SUSD6: variants seen among roughly 807,000 people sequenced by gnomAD.
SUSD6 encodes the protein sushi domain containing 6.
In SUSD6, 16 loss-of-function variants were observed where a neutral mutation model predicts 28.4. The ratio of observed to expected loss-of-function variants is 0.56; its 90% CI spans 0.38 to 0.86. The LOEUF (loss-of-function observed/expected upper bound fraction) is 0.86, where lower values mean the gene tolerates loss of function less well. Among genes scored for constraint, SUSD6 ranks in the 40% least tolerant of loss-of-function variants. The probability of loss-of-function intolerance (pLI) is 0.00; values close to 1 mark genes in which losing one functional copy is unlikely to be tolerated. For synonymous variants in SUSD6, 147 were observed against 159.6 expected, an observed-to-expected ratio of 0.92 and a Z score of 0.59; for missense variants, 341 against 384.2, an observed-to-expected ratio of 0.89 and a Z score of 0.94.
intron 2 of SUSD6, among the ~76,000 whole-genome samples, chr14:69,663,720 T>C (rs1885695542): frequency 1.3e-5 from 2 of 152,160 alleles, no homozygotes; most frequent in Non-Finnish European, 2.9e-5. Context: ...AACTGATGAT[T>C]TTAAGTGGTG....
intron 1 of SUSD6, among the ~76,000 whole-genome samples, chr14:69,638,790 G>T (rs556813749): frequency 1.6e-4 from 25 of 151,972 alleles, no homozygotes; most frequent in Non-Finnish European, 3.4e-4. Context: ...CTGACCTAGG[G>T]AAGGCAAGAC....
intron 2 of SUSD6, among the ~76,000 whole-genome samples, chr14:69,659,537 T>A (rs1885632173): frequency 1.3e-5 from 2 of 151,944 alleles, no homozygotes; most frequent in Non-Finnish European, 2.9e-5. Flanking sequence ...TTGTTTGTTT[T>A]CAGAGAGTCT....
At chr14:69,691,617 G>A (rs1886154153) in intron 2 of SUSD6, among the ~76,000 whole-genome samples, 1 of 152,174 alleles carries the variant, frequency 6.6e-6, no homozygotes, top group Admixed American at 6.5e-5. Context: ...TTTATTTCAG[G>A]CTTTGGCAGT....
At chr14:69,710,212 G>T (rs931831706) in intron 5 of SUSD6, among the ~76,000 whole-genome samples, 1 of 152,174 alleles carries the variant, frequency 6.6e-6, no homozygotes, top group African/African-American at 2.4e-5. Context: ...CCAAGGTGGG[G>T]CCCTCCTCTT....
intron 1 of SUSD6, among the ~76,000 whole-genome samples, chr14:69,624,554 G>A (rs1415117640): frequency 1.3e-5 from 2 of 151,350 alleles, no homozygotes; most frequent in Non-Finnish European, 2.9e-5. Context: ...CCAGGTTCAA[G>A]CGATTCTCCT....
chr14:69,695,022 G>C (rs147661644), intron 2 of SUSD6, among the ~76,000 whole-genome samples: 11 of 152,338 alleles, frequency 7.2e-5, no homozygotes, highest in African/African-American at 2.2e-4. Context: ...AGCTACTGCA[G>C]GCTGGCTCTC....
chr14:69,635,649 A>C, intron 1 of SUSD6, among the ~76,000 whole-genome samples: 1 of 144,712 alleles, frequency 6.9e-6, no homozygotes, highest in East Asian at 2.1e-4. Context: ...ACACATTTTC[A>C]CCTCCACCCA....
rs116214795 is a variant in SUSD6 at position 69,709,615 on chromosome 14, A to G, written c.886+511A>G. Among the ~76,000 whole-genome samples the G allele has an allele frequency of 8.4e-3, 1,286 of 152,302 alleles. 13 individuals are homozygous for G. The highest frequency in any genetic ancestry group is 0.029 in the African/African-American group (1,222 of 41,562). ...GACACAGGTATTTATTGACATCCCC[A>G]TTTTACAGCTGAGGAAACTAAGGCT... On this transcript the variant is annotated intron_variant, in intron 5 of 5. Coordinates refer to ENST00000342745, the MANE Select transcript of SUSD6 (RefSeq NM_014734.4).
chr14:69,621,759 T>TG (rs917705078), intron 1 of SUSD6, among the ~76,000 whole-genome samples: 7 of 152,260 alleles, frequency 4.6e-5, no homozygotes, highest in Admixed American at 2.0e-4. Context: ...GAACTGTTTT[T>TG]GGGGGGGCAG....
At position 69,709,102 on chromosome 14, in the gene SUSD6, A is replaced by C. The variant is rs1427848876; in HGVS notation, c.884A>C (p.Asp295Ala). 3 of 1,575,756 alleles carry C rather than the reference A, an allele frequency of 1.9e-6. No homozygotes were observed. The Admixed American group carries it at 5.4e-5, about 28-fold the overall frequency. The change falls in exon 5 of 6, where the codon GAT becomes GCT. Residue 295 changes from aspartate to alanine, a missense_variant and splice_region_variant. Transcript: ENST00000342745. ...TCCCTCACGTCAGAGGAGTACACAG[A>C]TGGTGAGTGGTCCAAGCTGAACATG... is the stretch of plus-strand genomic sequence containing the variant. ...LLSLTSEEYT[D>A]DIPLLKEA
intron 2 of SUSD6, among the ~76,000 whole-genome samples, chr14:69,672,835 GGTCCACCTGT>G (rs969128422): frequency 2.0e-5 from 3 of 152,226 alleles, no homozygotes; most frequent in African/African-American, 7.2e-5. Flanking sequence ...TAGGTGCATT[GGTCCACCTGT>G]GTCCCTTCCG....
At chr14:69,688,193 C>A (rs1886103073) in intron 2 of SUSD6, among the ~76,000 whole-genome samples, 5 of 152,214 alleles carry the variant, frequency 3.3e-5, no homozygotes. Context: ...TCCCTCTTGA[C>A]CCTCTATCTC....
At chr14:69,630,901 C>T (rs1459609451) in intron 1 of SUSD6, among the ~76,000 whole-genome samples, 4 of 152,162 alleles carry the variant, frequency 2.6e-5, no homozygotes, top group African/African-American at 9.7e-5. Context: ...CTTAAATGCA[C>T]GCCTGTAAAG....
In SUSD6 at chr14:69,714,810, C is replaced by T. The variant is rs1886523269; in HGVS notation, c.*3831C>T. ...ATGCAGGGGCAAAGCACTCAGTTGCCAAGCAAGGAGGAGAGATGTACGTGG... is the reference window on the plus strand; with the variant it reads ...ATGCAGGGGCAAAGCACTCAGTTGCTAAGCAAGGAGGAGAGATGTACGTGG... On this transcript the variant is annotated 3_prime_UTR_variant, in exon 6 of 6. Coordinates refer to ENST00000342745, the MANE Select transcript of SUSD6 (RefSeq NM_014734.4). The T allele has an allele frequency of 6.6e-6, 1 of 152,196 alleles. No individual in the cohort carries two copies. Among genetic ancestry groups the T allele is most frequent in the Non-Finnish European group, 1.5e-5 (1 of 68,056 alleles). 9.4% of individuals were successfully genotyped at this position (152,196 alleles called of 1,614,324 possible).
chr14:69,635,512 C>T (rs899843493), intron 1 of SUSD6, among the ~76,000 whole-genome samples: 17 of 151,940 alleles, frequency 1.1e-4, no homozygotes, highest in Admixed American at 2.0e-4. Context: ...ACTTGCCTTT[C>T]AGGAGGACAT....
chr14:69,654,499 G>A (rs1885549547), intron 1 of SUSD6, among the ~76,000 whole-genome samples: 1 of 152,168 alleles, frequency 6.6e-6, no homozygotes, highest in Admixed American at 6.5e-5. Context: ...GATGACCCTT[G>A]TGCTGAGCCC....
Position 69,711,011 on chromosome 14 carries a change from T to C in SUSD6, c.*32T>C. Reference sequence around the variant, plus strand: ...CGGCCAGCCTTTCCTCTCTGCGAGGTTCTCTCAGCCCTTCCTCCCTCTCCC... The same window carrying C: ...CGGCCAGCCTTTCCTCTCTGCGAGGCTCTCTCAGCCCTTCCTCCCTCTCCC... On this transcript the variant is annotated 3_prime_UTR_variant, in exon 6 of 6. Coordinates refer to ENST00000342745, the MANE Select transcript of SUSD6 (RefSeq NM_014734.4). 8 of 1,610,636 alleles carry C rather than the reference T, an allele frequency of 5.0e-6. No individual in the cohort carries two copies. The highest frequency in any genetic ancestry group is 6.8e-6 in the Non-Finnish European group (8 of 1,176,852).
intron 1 of SUSD6, chr14:69,617,131 T>C (rs1431037376): frequency 1.3e-5 from 2 of 152,268 alleles, no homozygotes; most frequent in African/African-American, 4.8e-5. Flanking sequence ...TTCCATTTTA[T>C]TGCTGAATGC....
intron 1 of SUSD6, among the ~76,000 whole-genome samples, chr14:69,643,094 G>A (rs1359679482): frequency 2.6e-5 from 4 of 152,122 alleles, no homozygotes; most frequent in Admixed American, 6.5e-5. Context: ...GGCTCACTGC[G>A]TTTTTTCCCC....
Sources: allele counts gnomAD v4.1 joint callset (sites outside exome capture counted in the v4.1 genomes callset), GRCh38; gene constraint gnomAD v4.1.1; transcripts MANE v1.5; gene names NCBI Gene and HGNC (gene_info 2026-07-23, HGNC 2026-07-21).